Variants in ITGA9 observed in about 807,000 individuals in gnomAD.
ITGA9 encodes integrin subunit alpha 9.
Under a neutral mutation model 127.8 loss-of-function variants are expected in ITGA9, and 56 were observed. The observed-to-expected ratio is 0.44, with a 90% CI of 0.35 to 0.55. ITGA9 has a LOEUF of 0.55. Among genes scored for constraint, ITGA9 ranks in the 20% least tolerant of loss-of-function variants. The probability of loss-of-function intolerance (pLI) is 0.00; values close to 1 mark genes in which losing one functional copy is unlikely to be tolerated. For missense variants in ITGA9, 1,196 were observed against 1,347.1 expected, an observed-to-expected ratio of 0.89 and a Z score of 1.76; for synonymous variants, 508 against 514.5, an observed-to-expected ratio of 0.99 and a Z score of 0.17.
At chr3:37,492,998 GAACA>G in intron 4 of ITGA9, among the ~76,000 whole-genome samples, 1 of 152,178 alleles carries the variant, frequency 6.6e-6, no homozygotes, top group African/African-American at 2.4e-5. Flanking sequence ...ATTCTGCAGG[GAACA>G]AACAAGTTCC....
At chr3:37,503,435 T>C in intron 6 of ITGA9, 128 bp downstream of exon 6, 1 of 1,048,558 alleles carries the variant, frequency 9.5e-7, no homozygotes, top group Non-Finnish European at 1.4e-6. Flanking sequence ...TCTAATGACT[T>C]ACATCTTTAG....
intron 1 of ITGA9, among the ~76,000 whole-genome samples, chr3:37,468,247 T>G (rs1009579100): frequency 6.6e-6 from 1 of 151,932 alleles, no homozygotes; most frequent in East Asian, 1.9e-4. Flanking sequence ...GTCTTGCTTC[T>G]CTCACTCCCC....
At chr3:37,797,413 G>T (rs1373783588) in intron 26 of ITGA9, among the ~76,000 whole-genome samples, 1 of 152,084 alleles carries the variant, frequency 6.6e-6, no homozygotes. Context: ...CACCTAAGAA[G>T]CTCCATTGTA....
intron 13 of ITGA9, among the ~76,000 whole-genome samples, chr3:37,526,380 A>G (rs1405779468): frequency 1.3e-5 from 2 of 152,108 alleles, no homozygotes; most frequent in South Asian, 2.1e-4. Context: ...CTCTTAAGCT[A>G]TTTGCTTTTG....
chr3:37,553,020 A>G (rs1482801428), intron 15 of ITGA9, among the ~76,000 whole-genome samples: 2 of 151,880 alleles, frequency 1.3e-5, no homozygotes, highest in African/African-American at 4.8e-5. Context: ...ATCTAAAAAA[A>G]AAAAAAAAAA....
intron 15 of ITGA9, among the ~76,000 whole-genome samples, chr3:37,577,813 C>A (rs140010349): frequency 6.6e-6 from 1 of 152,214 alleles, no homozygotes; most frequent in South Asian, 2.1e-4. Flanking sequence ...TTTGTGGAAA[C>A]AGAAACACAT....
intron 17 of ITGA9, among the ~76,000 whole-genome samples, chr3:37,679,726 G>A (rs1700717335): frequency 2.0e-5 from 3 of 152,098 alleles, no homozygotes; most frequent in Admixed American, 2.0e-4. Flanking sequence ...AACATTCCAC[G>A]GTGCTTAGTT....
intron 3 of ITGA9, among the ~76,000 whole-genome samples, chr3:37,480,170 G>T (rs150692549): frequency 6.6e-6 from 1 of 151,802 alleles, no homozygotes. Flanking sequence ...ACATCTGGAT[G>T]TGCAGAGACA....
chr3:37,545,518 C>A (rs1395718848), intron 15 of ITGA9, among the ~76,000 whole-genome samples: 2 of 152,228 alleles, frequency 1.3e-5, no homozygotes, highest in Non-Finnish European at 2.9e-5. Context: ...TATTGGAGGG[C>A]ACCTCCGGAG....
At chr3:37,506,797 G>A (rs1035232769) in intron 7 of ITGA9, among the ~76,000 whole-genome samples, 1 of 152,216 alleles carries the variant, frequency 6.6e-6, no homozygotes, top group Non-Finnish European at 1.5e-5. Context: ...AAGCTCCATA[G>A]GTTGTCTGAT....
intron 23 of ITGA9, among the ~76,000 whole-genome samples, chr3:37,756,599 T>A (rs1575223843): frequency 1.3e-5 from 2 of 152,204 alleles, no homozygotes; most frequent in South Asian, 4.1e-4. Context: ...CAATCTTATT[T>A]TCCTCATCTG....
rs1696435921 is a variant in ITGA9, at chr3:37,741,616, G to T, written c.2235-114G>T. 4 of 796,312 alleles carry T rather than the reference G, an allele frequency of 5.0e-6. No individual in the cohort carries two copies. In the South Asian group the frequency reaches 5.8e-5, roughly 12 times the overall value. The allele number at this position is 796,312 out of a possible 1,614,324, so 49.3% of individuals were successfully genotyped here. ...CCAAAAACAGACTGAAGGCAATGAGGTGCCATCTGCCCTTGGAGAATGTAG... is the reference window on the plus strand; with the variant it reads ...CCAAAAACAGACTGAAGGCAATGAGTTGCCATCTGCCCTTGGAGAATGTAG... On this transcript the variant is annotated intron_variant, in intron 20 of 27. Coordinates refer to ENST00000264741, the MANE Select transcript of ITGA9 (RefSeq NM_002207.3).
chr3:37,692,410 A>AGT (rs1299517222), intron 18 of ITGA9, among the ~76,000 whole-genome samples: 3,736 of 135,886 alleles, frequency 0.027, 49 homozygotes, highest in Non-Finnish European at 0.038. Flanking sequence ...AGAGAGAGAG[A>AGT]GAGTGTGTGT....
chr3:37,618,147 A>G (rs1244465443), intron 15 of ITGA9, among the ~76,000 whole-genome samples: 1 of 151,926 alleles, frequency 6.6e-6, no homozygotes, highest in Non-Finnish European at 1.5e-5. Context: ...TTTGGTGTGG[A>G]TGTGCTTTCT....
At chr3:37,536,235 C>T (rs1250278263) in intron 14 of ITGA9, among the ~76,000 whole-genome samples, 3 of 152,250 alleles carry the variant, frequency 2.0e-5, no homozygotes, top group African/African-American at 7.2e-5. Flanking sequence ...GGTTACCAGC[C>T]TTCCTACTCT....
chr3:37,673,517 C>T (rs188043643), intron 17 of ITGA9, among the ~76,000 whole-genome samples: 2 of 152,152 alleles, frequency 1.3e-5, no homozygotes, highest in Non-Finnish European at 2.9e-5. Flanking sequence ...TCTCCTCCAC[C>T]GTCTTAGCTC....
At chr3:37,672,875 C>G (rs1043926701) in intron 17 of ITGA9, among the ~76,000 whole-genome samples, 1 of 149,244 alleles carries the variant, frequency 6.7e-6, no homozygotes, top group African/African-American at 2.5e-5. Context: ...TTTTTGGGTA[C>G]AATATTCTTT....
At chr3:37,576,285 G>T (rs768390370) in intron 15 of ITGA9, among the ~76,000 whole-genome samples, 3 of 152,020 alleles carry the variant, frequency 2.0e-5, no homozygotes, top group Non-Finnish European at 2.9e-5. Context: ...TTGGCTTGGA[G>T]CAGCCTTTTA....
Position 37,629,356 on chromosome 3 carries a change from T to C in ITGA9, c.1839+20T>C, listed in dbSNP as rs1700208166. On this transcript the variant is annotated intron_variant, in intron 16 of 27. Transcript: ENST00000264741. This position sits in a 1 kb window ranked among gnomAD's most constrained non-coding sequence, Gnocchi z 4.5. ...AATCAGGTCAGAACCTTAAAGCTCA[T>C]ACTCAGCACCCAAGGTGGCAGCTGC... 6.2e-7 allele frequency: 1 copy of C among 1,613,468 alleles called. No individual in the cohort carries two copies. Among genetic ancestry groups the C allele is most frequent in the African/African-American group, 1.3e-5 (1 of 75,004 alleles).
Sources: allele counts gnomAD v4.1 joint callset (sites outside exome capture counted in the v4.1 genomes callset), GRCh38; gene constraint gnomAD v4.1.1; non-coding constraint Gnocchi (gnomAD v3.1); transcripts MANE v1.5; gene names NCBI Gene and HGNC (gene_info 2026-07-23, HGNC 2026-07-21).